DCC: variants seen among roughly 807,000 people sequenced by gnomAD.
The protein encoded by DCC is netrin receptor DCC.
DCC carries 58 observed loss-of-function variants against 172.5 expected under a neutral mutation model. That is an observed-to-expected ratio of 0.34 (90% confidence interval 0.27 to 0.42). The LOEUF (loss-of-function observed/expected upper bound fraction) is 0.42, where lower values mean the gene tolerates loss of function less well. Among genes scored for constraint, DCC ranks in the 10% least tolerant of loss-of-function variants. DCC has a pLI of 1.00. For missense variants in DCC, 1,740 were observed against 1,791.0 expected (o/e 0.97, Z 0.51); for synonymous variants, 709 against 644.5 (o/e 1.10, Z -1.52).
At chr18:52,787,481 A>G (rs1047990987) in intron 2 of DCC, among the ~76,000 whole-genome samples, 1 of 152,150 alleles carries the variant, frequency 6.6e-6, no homozygotes, top group Non-Finnish European at 1.5e-5. Context: ...ACCCTTAATT[A>G]TGATTGATAG....
At chr18:53,048,892 G>A (rs970084158) in intron 5 of DCC, among the ~76,000 whole-genome samples, 3 of 151,772 alleles carry the variant, frequency 2.0e-5, no homozygotes, top group African/African-American at 2.4e-5. Flanking sequence ...AGTGTGAGAT[G>A]GTATCTCATT....
intron 5 of DCC, among the ~76,000 whole-genome samples, chr18:53,005,806 C>T (rs545459785): frequency 1.3e-5 from 2 of 152,304 alleles, no homozygotes; most frequent in South Asian, 4.1e-4. Flanking sequence ...TCCCTATCAT[C>T]ATTTGGGTTT....
intron 1 of DCC, among the ~76,000 whole-genome samples, chr18:52,607,393 G>A (rs917631983): frequency 2.6e-5 from 4 of 152,086 alleles, no homozygotes; most frequent in Admixed American, 6.6e-5. Flanking sequence ...CTACAACATC[G>A]GGGTACCACT....
At chr18:52,876,554 G>A (rs1439981069) in intron 2 of DCC, among the ~76,000 whole-genome samples, 1 of 152,182 alleles carries the variant, frequency 6.6e-6, no homozygotes, top group Non-Finnish European at 1.5e-5. Flanking sequence ...CCATAGAACT[G>A]TGCTTTATAG....
intron 1 of DCC, among the ~76,000 whole-genome samples, chr18:52,608,355 T>C (rs1005208839): frequency 1.7e-4 from 26 of 152,118 alleles, no homozygotes; most frequent in African/African-American, 6.0e-4. Context: ...ATGCTAATAG[T>C]GAAAGAGAAG....
At chr18:52,447,196 A>AC (rs1218076332) in intron 1 of DCC, among the ~76,000 whole-genome samples, 5 of 151,958 alleles carry the variant, frequency 3.3e-5, no homozygotes, top group African/African-American at 7.3e-5. Context: ...GATAAAGATA[A>AC]CCCCCCGTCT....
chr18:52,523,826 G>A (rs1002873218), intron 1 of DCC, among the ~76,000 whole-genome samples: 1 of 152,146 alleles, frequency 6.6e-6, no homozygotes, highest in African/African-American at 2.4e-5. Flanking sequence ...TACCAGCAGG[G>A]ACTTGGGATT....
intron 5 of DCC, among the ~76,000 whole-genome samples, chr18:53,022,706 A>G (rs2041898536): frequency 6.6e-6 from 1 of 152,060 alleles, no homozygotes; most frequent in African/African-American, 2.4e-5. Flanking sequence ...CTGTTGGTAG[A>G]ACTACTAACC....
intron 3 of DCC, among the ~76,000 whole-genome samples, chr18:52,919,891 G>C (rs1207519918): frequency 6.6e-6 from 1 of 151,674 alleles, no homozygotes; most frequent in Non-Finnish European, 1.5e-5. Context: ...TAGATCCATG[G>C]AACAGAGGAG....
At chr18:52,507,653 T>A (rs897873988) in intron 1 of DCC, among the ~76,000 whole-genome samples, 2 of 152,190 alleles carry the variant, frequency 1.3e-5, no homozygotes, top group Non-Finnish European at 2.9e-5. Flanking sequence ...GTGTCTCTTT[T>A]GTCCATCAAT....
intron 1 of DCC, among the ~76,000 whole-genome samples, chr18:52,598,957 T>C (rs375328380): frequency 1.3e-5 from 2 of 152,142 alleles, no homozygotes; most frequent in Admixed American, 6.6e-5. Flanking sequence ...CAAGCTCTTT[T>C]ATAAGGATAG....
chr18:52,636,602 G>A (rs116573978), intron 1 of DCC, among the ~76,000 whole-genome samples: 1,770 of 152,140 alleles, frequency 0.012, 39 homozygotes, highest in African/African-American at 0.041. Context: ...CTCAGCAAAA[G>A]CAGCTGCATA....
At chr18:52,748,936 C>A (rs1235043680) in intron 1 of DCC, among the ~76,000 whole-genome samples, 1 of 152,196 alleles carries the variant, frequency 6.6e-6, no homozygotes, top group Non-Finnish European at 1.5e-5. Flanking sequence ...TTGGCTCATG[C>A]CTGTAATCTC....
chr18:53,159,949 T>C (rs986449778), intron 8 of DCC, among the ~76,000 whole-genome samples: 7 of 152,070 alleles, frequency 4.6e-5, no homozygotes, highest in Admixed American at 1.3e-4. Context: ...GGGCTCAGAA[T>C]AGTGTGAGCT....
chr18:53,116,054 G>C (rs189797573), intron 7 of DCC, among the ~76,000 whole-genome samples: 1 of 151,566 alleles, frequency 6.6e-6, no homozygotes, highest in Non-Finnish European at 1.5e-5. Context: ...TTGAACGATC[G>C]TGACACACAA....
chr18:52,762,369 G>A (rs1286939436), intron 2 of DCC, among the ~76,000 whole-genome samples: 1 of 152,050 alleles, frequency 6.6e-6, no homozygotes, highest in Non-Finnish European at 1.5e-5. Context: ...AGCTACTTGG[G>A]AGGCTGAGGC....
intron 5 of DCC, among the ~76,000 whole-genome samples, chr18:52,996,407 T>A (rs2041479769): frequency 6.6e-6 from 1 of 152,086 alleles, no homozygotes. Flanking sequence ...CAAAGTAGGA[T>A]AACAATCTTT....
intron 27 of DCC, among the ~76,000 whole-genome samples, chr18:53,512,765 A>G (rs1183800037): frequency 6.7e-6 from 1 of 148,728 alleles, no homozygotes; most frequent in Non-Finnish European, 1.5e-5. Context: ...TAGAGAAAAA[A>G]GAATAAAAAG....
At chr18:53,039,529 G>A (rs1407600083) in intron 5 of DCC, among the ~76,000 whole-genome samples, 1 of 151,924 alleles carries the variant, frequency 6.6e-6, no homozygotes, top group Admixed American at 6.6e-5. Context: ...TGTGATTATT[G>A]TTTTTTGGGA....
Sources: allele counts gnomAD v4.1 joint callset (sites outside exome capture counted in the v4.1 genomes callset), GRCh38; gene constraint gnomAD v4.1.1; transcripts MANE v1.5; gene names NCBI Gene and HGNC (gene_info 2026-07-23, HGNC 2026-07-21).